Variants in TMEFF1 observed in about 807,000 individuals in gnomAD.
The protein encoded by TMEFF1 is transmembrane protein with EGF like and two follistatin like domains 1.
TMEFF1 carries 20 observed loss-of-function variants against 47.5 expected under a neutral mutation model. The observed-to-expected ratio is 0.42, with a 90% CI of 0.30 to 0.61. TMEFF1 has a LOEUF of 0.61. TMEFF1 is among the 20% of genes least tolerant of loss of function. The pLI is 0.19. For synonymous variants in TMEFF1, 162 were observed against 166.3 expected (o/e 0.97, Z 0.20); for missense variants, 411 against 471.1 (o/e 0.87, Z 1.18).
At chr9:100,529,993 A>G (rs1838345009) in intron 5 of TMEFF1, among the ~76,000 whole-genome samples, 1 of 152,112 alleles carries the variant, frequency 6.6e-6, no homozygotes, top group African/African-American at 2.4e-5. Context: ...CTGAATGACT[A>G]CTGGGTACAT....
intron 8 of TMEFF1, among the ~76,000 whole-genome samples, chr9:100,562,208 C>T (rs953616457): frequency 6.6e-6 from 1 of 152,088 alleles, no homozygotes; most frequent in Non-Finnish European, 1.5e-5. Context: ...GGGGACATTG[C>T]TGTCATTTTG....
chr9:100,480,072 T>C (rs186870516), intron 1 of TMEFF1, among the ~76,000 whole-genome samples: 1 of 152,340 alleles, frequency 6.6e-6, no homozygotes, highest in Admixed American at 6.5e-5. Context: ...CTAGTGGGTG[T>C]GAAGTTATGT....
chr9:100,476,879 G>A (rs1837241990), intron 1 of TMEFF1, among the ~76,000 whole-genome samples: 1 of 151,708 alleles, frequency 6.6e-6, no homozygotes, highest in Admixed American at 6.6e-5. Context: ...TGTATTTTTA[G>A]TAGAGATGGG....
intron 2 of TMEFF1, among the ~76,000 whole-genome samples, chr9:100,507,286 G>A (rs935771625): frequency 2.0e-5 from 3 of 152,114 alleles, no homozygotes; most frequent in Admixed American, 6.5e-5. Context: ...TTGATTCCAT[G>A]TCTTTGTTAT....
chr9:100,488,716 G>T (rs1464896261), intron 1 of TMEFF1, among the ~76,000 whole-genome samples: 1 of 152,158 alleles, frequency 6.6e-6, no homozygotes, highest in Non-Finnish European at 1.5e-5. Flanking sequence ...AGAAATGGAG[G>T]CATAGGTGGT....
chr9:100,573,982 A>T (rs1336793960), intron 9 of TMEFF1, among the ~76,000 whole-genome samples: 1 of 152,264 alleles, frequency 6.6e-6, no homozygotes, highest in Non-Finnish European at 1.5e-5. Flanking sequence ...TAGCCATTTA[A>T]TATAGACTCA....
intron 5 of TMEFF1, among the ~76,000 whole-genome samples, chr9:100,539,559 T>A (rs1354213500): frequency 3.3e-5 from 5 of 152,030 alleles, no homozygotes; most frequent in Non-Finnish European, 7.4e-5. Flanking sequence ...CGTCTGGAGT[T>A]GTTCGTTCCT....
chr9:100,474,860 G>A (rs1334104087), intron 1 of TMEFF1, among the ~76,000 whole-genome samples: 2 of 152,144 alleles, frequency 1.3e-5, no homozygotes, highest in African/African-American at 4.8e-5. Context: ...CTGGGGAGGA[G>A]GGTCCCAGCA....
chr9:100,546,438 C>A (rs574117152), intron 5 of TMEFF1, among the ~76,000 whole-genome samples: 32 of 151,724 alleles, frequency 2.1e-4, no homozygotes, highest in Non-Finnish European at 3.8e-4. Context: ...ATCCCCCCCC[C>A]ACCAGGTTCC....
At chr9:100,533,160 G>T (rs531803086) in intron 5 of TMEFF1, among the ~76,000 whole-genome samples, 1 of 151,862 alleles carries the variant, frequency 6.6e-6, no homozygotes, top group East Asian at 1.9e-4. Flanking sequence ...AGTGGGTGCA[G>T]CGCACCAGCA....
At chr9:100,566,424 C>T (rs1839126091) in intron 8 of TMEFF1, among the ~76,000 whole-genome samples, 1 of 152,220 alleles carries the variant, frequency 6.6e-6, no homozygotes, top group Non-Finnish European at 1.5e-5. Flanking sequence ...CCTAAACCTG[C>T]TTTACCTGCC....
Position 100,547,621 on chromosome 9 carries a change from A to T in TMEFF1, c.561-123A>T, listed in dbSNP as rs530138794. On this transcript the variant is annotated intron_variant, in intron 5 of 9. Transcript: ENST00000374879. Reference sequence around the variant, plus strand: ...TACTTTGCTTAAGCTTTCATCAGTGACTTAAAACAATATATTGACTTCTGT... The same window carrying T: ...TACTTTGCTTAAGCTTTCATCAGTGTCTTAAAACAATATATTGACTTCTGT... The T allele has an allele frequency of 1.8e-5, 22 of 1,190,078 alleles. No individual in the cohort carries two copies. In the South Asian group the frequency reaches 6.0e-4, roughly 33 times the overall value. 73.7% of individuals were successfully genotyped at this position (1,190,078 alleles called of 1,614,324 possible).
At chr9:100,558,689 A>G (rs1838960387) in intron 7 of TMEFF1, among the ~76,000 whole-genome samples, 1 of 152,010 alleles carries the variant, frequency 6.6e-6, no homozygotes, top group South Asian at 2.1e-4. Context: ...ATGGAAAACA[A>G]CAAAGATACA....
chr9:100,512,853 G>T (rs903295233), intron 3 of TMEFF1, among the ~76,000 whole-genome samples: 1 of 151,790 alleles, frequency 6.6e-6, no homozygotes, highest in African/African-American at 2.4e-5. Flanking sequence ...GTCTTTATCC[G>T]CAGATTTCCT....
intron 2 of TMEFF1, among the ~76,000 whole-genome samples, chr9:100,501,625 ATTTATTTATTTATT>A (rs1488047305): frequency 6.6e-6 from 1 of 151,862 alleles, no homozygotes; most frequent in Non-Finnish European, 1.5e-5. Flanking sequence ...TGCTGCTTTG[ATTTATTTATTTATT>A]TTTATTTATT....
chr9:100,513,393 CTT>C (rs376847862), intron 4 of TMEFF1, 60 bp downstream of exon 4: 15,406 of 1,165,244 alleles, frequency 0.013, 2 homozygotes, highest in South Asian at 0.025. Context: ...CTTTCTTTTT[CTT>C]TTTTTTTTTT....
chr9:100,495,578 A>G (rs1837636462), intron 1 of TMEFF1, among the ~76,000 whole-genome samples: 1 of 152,172 alleles, frequency 6.6e-6, no homozygotes, highest in South Asian at 2.1e-4. Context: ...TGTGTCCAAA[A>G]TTCTTAGCAT....
At chr9:100,535,743 G>C (rs960707067) in intron 5 of TMEFF1, among the ~76,000 whole-genome samples, 1 of 152,212 alleles carries the variant, frequency 6.6e-6, no homozygotes, top group Non-Finnish European at 1.5e-5. Flanking sequence ...CAGCCTGAAC[G>C]ACAGAGTGAG....
intron 5 of TMEFF1, among the ~76,000 whole-genome samples, chr9:100,544,640 A>G (rs1382438828): frequency 6.6e-6 from 1 of 152,192 alleles, no homozygotes; most frequent in Non-Finnish European, 1.5e-5. Flanking sequence ...TTCAAAACCA[A>G]TCATGCCTTC....
Sources: allele counts gnomAD v4.1 joint callset (sites outside exome capture counted in the v4.1 genomes callset), GRCh38; gene constraint gnomAD v4.1.1; transcripts MANE v1.5; gene names NCBI Gene and HGNC (gene_info 2026-07-23, HGNC 2026-07-21).